The following TBCD variants were observed in gnomAD, a reference collection of about 807,000 sequenced individuals.
The protein encoded by TBCD is tubulin folding cofactor D, also known as tubulin-specific chaperone D.
TBCD carries 105 observed loss-of-function variants against 169.3 expected under a neutral mutation model. The observed-to-expected ratio is 0.62, with a 90% CI of 0.53 to 0.73. The LOEUF (loss-of-function observed/expected upper bound fraction) is 0.73. Among genes scored for constraint, TBCD ranks in the 30% least tolerant of loss-of-function variants. TBCD has a pLI of 0.00. For missense variants in TBCD, 1,444 were observed against 1,600.1 expected, an observed-to-expected ratio of 0.90 and a Z score of 1.66; for synonymous variants, 700 against 643.9, an observed-to-expected ratio of 1.09 and a Z score of -1.32.
rs2057056879 is a variant in TBCD at position 82,864,950 on chromosome 17, C to T, written c.1319-5274C>T. Among the ~76,000 whole-genome samples, 4 of 152,002 alleles carry T rather than the reference C, an allele frequency of 2.6e-5. No homozygotes were observed. The South Asian group carries it at 8.3e-4, about 32-fold the overall frequency. ...GTGTTGGGGGTGGGGCTCCTTGCCCCCCAAGGGCAGGCCGAGCACCAAGTC... is the reference window on the plus strand; with the variant it reads ...GTGTTGGGGGTGGGGCTCCTTGCCCTCCAAGGGCAGGCCGAGCACCAAGTC... On this transcript the variant is annotated intron_variant, in intron 13 of 38. Transcript: ENST00000355528. The surrounding 1 kb of genome is among the most constrained non-coding windows in gnomAD (Gnocchi z 6.3).
rs74000174 is a variant in TBCD, at chr17:82,890,219, C to A, written c.1563+522C>A. On this transcript the variant is annotated intron_variant, in intron 16 of 38. Transcript: ENST00000355528. The surrounding 1 kb of genome is among the most constrained non-coding windows in gnomAD (Gnocchi z 5.3). ...GTCAGCTTCGCCTGTGAATGGGGGG[C>A]CCCAGGTTACTCATGTTGTGTGTGA... Among the ~76,000 whole-genome samples the A allele has an allele frequency of 6.6e-6, 1 of 152,154 alleles. No individual in the cohort carries two copies.
In TBCD at chr17:82,930,400, T is replaced by G; in HGVS notation, c.2992-122T>G. ...CGCACCAGCCGCTTGGGGCCAGACCTTCGCGTCTCTGCAGCTCGGAGCAGT... is the reference window on the plus strand; with the variant it reads ...CGCACCAGCCGCTTGGGGCCAGACCGTCGCGTCTCTGCAGCTCGGAGCAGT... On this transcript the variant is annotated intron_variant, in intron 32 of 38. Transcript: ENST00000355528. The surrounding 1 kb of genome is among the most constrained non-coding windows in gnomAD (Gnocchi z 5.2). 7.1e-7 allele frequency: 1 copy of G among 1,412,684 alleles called. No individual in the cohort carries two copies. Among genetic ancestry groups the G allele is most frequent in the Non-Finnish European group, 9.4e-7 (1 of 1,066,708 alleles). The allele number at this position is 1,412,684 out of a possible 1,614,324, so 87.5% of individuals were successfully genotyped here. A position where few individuals can be genotyped will look rare whatever the true frequency, so the allele number is the denominator to read the frequency against.
rs767635450 is a variant in TBCD at position 82,941,457 on chromosome 17, G to A, written c.3538G>A (p.Val1180Ile). The A allele has an allele frequency of 2.1e-5, 33 of 1,601,764 alleles. 1 individual carries two copies. The highest frequency in any genetic ancestry group is 5.6e-5 in the South Asian group (5 of 88,932). The stretch of plus-strand genomic sequence containing the variant: ...CAACCGTCTGTGTGACCTTCTGGGC[G>A]TACCCAGGCCCCAGCTGGTGCCCCA... ...QRNRLCDLLG[V>I]PRPQLVPQPG... Residue 1180 changes from valine (V) to isoleucine (I), a missense_variant, in exon 38 of 39, where the codon GTA (valine) becomes ATA (isoleucine). By Grantham distance (29) the Val-to-Ile change is conservative (BLOSUM62 3). Coordinates refer to ENST00000355528, the MANE Select transcript of TBCD (RefSeq NM_005993.5).
intron 21 of TBCD, 37 bp downstream of exon 21, chr17:82,907,858 A>T: frequency 6.2e-7 from 1 of 1,603,276 alleles, no homozygotes; most frequent in Non-Finnish European, 8.5e-7. Flanking sequence ...CTCAGGAGGC[A>T]TCACAGGACC....
At chr17:82,838,335 T>A (rs1464424406) in intron 13 of TBCD, among the ~76,000 whole-genome samples, 1 of 149,960 alleles carries the variant, frequency 6.7e-6, no homozygotes, top group African/African-American at 2.5e-5. Flanking sequence ...AAAGAGTTCT[T>A]AAAAAAAAAA....
intron 36 of TBCD, among the ~76,000 whole-genome samples, chr17:82,938,735 C>CG (rs1568102869): frequency 1.4e-5 from 2 of 144,336 alleles, no homozygotes; most frequent in African/African-American, 2.5e-5. Flanking sequence ...GGGCACCACT[C>CG]AAAAAGAGAG....
At chr17:82,856,113 C>T (rs1025047126) in intron 13 of TBCD, among the ~76,000 whole-genome samples, 1 of 142,710 alleles carries the variant, frequency 7.0e-6, no homozygotes, top group Non-Finnish European at 1.5e-5. Context: ...ATTGTGATTA[C>T]AGGCATGAGC....
Position 82,776,694 on chromosome 17 carries a change from C to T in TBCD, c.638+4187C>T, listed in dbSNP as rs918491881. ...GGACGCCTGGGTTTGGTTACAGACCCGTTCTCGTGTCAGGATTGTTTCGTG... is the reference window on the plus strand; with the variant it reads ...GGACGCCTGGGTTTGGTTACAGACCTGTTCTCGTGTCAGGATTGTTTCGTG... On this transcript the variant is annotated intron_variant, in intron 6 of 38. Transcript: ENST00000355528. Among the ~76,000 whole-genome samples the T allele has an allele frequency of 2.6e-5, 4 of 152,138 alleles. No individual in the cohort carries two copies. The East Asian group carries it at 7.7e-4, about 29-fold the overall frequency.
intron 6 of TBCD, among the ~76,000 whole-genome samples, chr17:82,774,323 CCT>C (rs982184789): frequency 1.3e-5 from 2 of 152,122 alleles, no homozygotes; most frequent in African/African-American, 4.8e-5. Flanking sequence ...TCCATTTACC[CCT>C]GAGTGGACAC....
intron 15 of TBCD, among the ~76,000 whole-genome samples, chr17:82,887,187 GCTCA>G (rs1555632530): frequency 1.1e-4 from 16 of 144,580 alleles, no homozygotes; most frequent in South Asian, 8.9e-4. Flanking sequence ...GCGCACGTGC[GCTCA>G]CGCGTTTACT....
chr17:82,812,896 T>G (rs2051560471), intron 12 of TBCD, among the ~76,000 whole-genome samples: 3 of 152,186 alleles, frequency 2.0e-5, no homozygotes, highest in African/African-American at 7.2e-5. Context: ...GATAGCTCAC[T>G]GCGGCCTCTA....
At chr17:82,868,560 C>T (rs977622543) in intron 13 of TBCD, among the ~76,000 whole-genome samples, 6 of 152,088 alleles carry the variant, frequency 3.9e-5, no homozygotes, top group African/African-American at 7.2e-5. Flanking sequence ...AGTGTATAAA[C>T]GTAATAATCT....
At chr17:82,914,629 C>T (rs2147012746) in intron 23 of TBCD, among the ~76,000 whole-genome samples, 1 of 152,336 alleles carries the variant, frequency 6.6e-6, no homozygotes, top group East Asian at 1.9e-4. Context: ...CACGCCCTCC[C>T]TGGGGGCCCC....
chr17:82,914,895 T>C (rs1403879594), intron 23 of TBCD, among the ~76,000 whole-genome samples: 1 of 152,204 alleles, frequency 6.6e-6, no homozygotes, highest in East Asian at 1.9e-4. Flanking sequence ...GAAGGGGAAA[T>C]AGTTCTGCAT....
intron 13 of TBCD, among the ~76,000 whole-genome samples, chr17:82,817,771 C>A (rs1009200729): frequency 6.6e-6 from 1 of 152,114 alleles, no homozygotes; most frequent in African/African-American, 2.4e-5. Flanking sequence ...ATATTTGACC[C>A]AGGTTTTAAA....
chr17:82,761,732 T>C (rs2047766444), intron 2 of TBCD, among the ~76,000 whole-genome samples: 1 of 151,970 alleles, frequency 6.6e-6, no homozygotes, highest in Non-Finnish European at 1.5e-5. Flanking sequence ...TTTTTTTTTT[T>C]TGAGATGGAG....
At chr17:82,892,713 G>A (rs1228706744) in intron 16 of TBCD, among the ~76,000 whole-genome samples, 1 of 152,206 alleles carries the variant, frequency 6.6e-6, no homozygotes, top group Non-Finnish European at 1.5e-5. Context: ...GGCAGGCTTG[G>A]GAGACCTTTG....
At chr17:82,885,450 A>C (rs2058653627) in intron 15 of TBCD, among the ~76,000 whole-genome samples, 1 of 152,038 alleles carries the variant, frequency 6.6e-6, no homozygotes, top group Non-Finnish European at 1.5e-5. Context: ...AGGTCCTTTA[A>C]AACTAGAGAG....
intron 17 of TBCD, among the ~76,000 whole-genome samples, chr17:82,896,341 G>T (rs2059475974): frequency 6.6e-6 from 1 of 151,956 alleles, no homozygotes; most frequent in South Asian, 2.1e-4. Context: ...GCAGTGTCTT[G>T]TCTGGGTTGT....
Sources: gnomAD v4.1 joint callset for allele counts (sites outside exome capture counted in the v4.1 genomes callset) on GRCh38, gnomAD v4.1.1 for gene constraint, Gnocchi (gnomAD v3.1) non-coding constraint, MANE v1.5 for transcripts, NCBI Gene and HGNC (gene_info 2026-07-23, HGNC 2026-07-21) for gene names.